The following SCTR variants were observed in gnomAD, a reference collection of about 807,000 sequenced individuals.
SCTR encodes secretin receptor, also known as pancreatic secretin receptor.
Under a neutral mutation model 60.8 loss-of-function variants are expected in SCTR, and 56 were observed. The observed-to-expected ratio is 0.92, with a 90% CI of 0.74 to 1.15. SCTR has a LOEUF of 1.15. Ranked by LOEUF, SCTR falls within the 50% of genes most tolerant of loss-of-function variation. The pLI is 0.00. For missense variants in SCTR, 562 were observed against 550.4 expected (o/e 1.02, Z -0.21); for synonymous variants, 202 against 217.0 (o/e 0.93, Z 0.61).
At chr2:119,469,919 TG>T (rs1676932206) in intron 4 of SCTR, among the ~76,000 whole-genome samples, 1 of 152,256 alleles carries the variant, frequency 6.6e-6, no homozygotes, top group African/African-American at 2.4e-5. Context: ...CTGTACCACC[TG>T]CTTTCTGTAG....
chr2:119,475,649 TATAA>T (rs201651822), intron 3 of SCTR, among the ~76,000 whole-genome samples: 4,579 of 147,420 alleles, frequency 0.031, 221 homozygotes, highest in African/African-American at 0.11. Context: ...ATATATATAA[TATAA>T]ATAGATATTT....
At chr2:119,474,662 G>C (rs891184932) in intron 3 of SCTR, among the ~76,000 whole-genome samples, 5 of 152,242 alleles carry the variant, frequency 3.3e-5, no homozygotes, top group Admixed American at 1.3e-4. Context: ...TGGGCCCCTG[G>C]CTAACAGGGT....
chr2:119,518,513 G>C (rs1679182204), intron 1 of SCTR, among the ~76,000 whole-genome samples: 1 of 152,180 alleles, frequency 6.6e-6, no homozygotes, highest in Non-Finnish European at 1.5e-5. Context: ...TGCGGGACGT[G>C]ATGAACCAGG....
intron 1 of SCTR, among the ~76,000 whole-genome samples, chr2:119,507,107 GAC>G (rs1678764561): frequency 6.6e-6 from 1 of 152,150 alleles, no homozygotes; most frequent in African/African-American, 2.4e-5. Context: ...ACAAAAAAAA[GAC>G]AACTTAATTA....
At chr2:119,467,544 A>G (rs1269165065) in intron 4 of SCTR, among the ~76,000 whole-genome samples, 1 of 152,220 alleles carries the variant, frequency 6.6e-6, no homozygotes, top group Non-Finnish European at 1.5e-5. Flanking sequence ...AACTGGTTCA[A>G]TCTTTCTGGA....
At chr2:119,510,964 G>A (rs931758789) in intron 1 of SCTR, among the ~76,000 whole-genome samples, 3 of 152,076 alleles carry the variant, frequency 2.0e-5, no homozygotes, top group Non-Finnish European at 4.4e-5. Flanking sequence ...TTGGGAGGCT[G>A]AGGCGGGCAG....
intron 1 of SCTR, among the ~76,000 whole-genome samples, chr2:119,497,059 C>T (rs1254691458): frequency 3.3e-5 from 5 of 152,186 alleles, no homozygotes; most frequent in Non-Finnish European, 5.9e-5. Context: ...GACTACTACC[C>T]TAGTTCAGAA....
chr2:119,498,420 T>A (rs1678425023), intron 1 of SCTR, among the ~76,000 whole-genome samples: 1 of 152,144 alleles, frequency 6.6e-6, no homozygotes, highest in Non-Finnish European at 1.5e-5. Flanking sequence ...ACTGTAACAT[T>A]AGCAAGGAAG....
chr2:119,444,300 C>T (rs990248142), intron 11 of SCTR, among the ~76,000 whole-genome samples: 2 of 132,626 alleles, frequency 1.5e-5, no homozygotes, highest in East Asian at 2.2e-4. Flanking sequence ...CACATATATA[C>T]GTATGAATAT....
intron 6 of SCTR, among the ~76,000 whole-genome samples, chr2:119,463,631 G>A (rs918511629): frequency 4.6e-5 from 7 of 152,168 alleles, no homozygotes; most frequent in African/African-American, 1.7e-4. Context: ...GACACACAGG[G>A]TGATTGCAAT....
At chr2:119,496,277 G>A (rs933141273) in intron 1 of SCTR, among the ~76,000 whole-genome samples, 2 of 152,242 alleles carry the variant, frequency 1.3e-5, no homozygotes, top group Non-Finnish European at 2.9e-5. Context: ...AGTGCTGGAG[G>A]TAGTGAGACC....
At chr2:119,498,319 A>T (rs1185424872) in intron 1 of SCTR, among the ~76,000 whole-genome samples, 2 of 152,174 alleles carry the variant, frequency 1.3e-5, no homozygotes, top group Non-Finnish European at 2.9e-5. Context: ...TCAAATAAGA[A>T]AAAGTAAAAG....
chr2:119,501,839 G>C (rs144635238), intron 1 of SCTR, among the ~76,000 whole-genome samples: 159 of 151,856 alleles, frequency 1.0e-3, no homozygotes, highest in Non-Finnish European at 2.0e-3. Flanking sequence ...AAATCCCAAG[G>C]AATCTACCAA....
intron 1 of SCTR, among the ~76,000 whole-genome samples, chr2:119,521,274 G>A (rs1329064992): frequency 6.6e-6 from 1 of 152,196 alleles, no homozygotes; most frequent in Non-Finnish European, 1.5e-5. Flanking sequence ...AGCAAGTAAG[G>A]AGTGCTTTCA....
Position 119,463,161 on chromosome 2 carries a change from C to T in SCTR, c.636+962G>A, listed in dbSNP as rs574910477. Among the ~76,000 whole-genome samples the T allele has an allele frequency of 4.6e-4, 70 of 152,150 alleles. 2 individuals carry two copies. The South Asian group carries it at 0.013, about 29-fold the overall frequency. On this transcript the variant is annotated intron_variant, in intron 6 of 12. Coordinates refer to ENST00000019103, the MANE Select transcript of SCTR (RefSeq NM_002980.3). ...GGCTGAACTAATCTCAATTTCCAAT[C>T]TCTTTTCTCCCTTGCTCGCCTCTAC...
intron 3 of SCTR, among the ~76,000 whole-genome samples, chr2:119,475,939 T>A (rs1677275917): frequency 6.6e-6 from 1 of 151,894 alleles, no homozygotes; most frequent in Non-Finnish European, 1.5e-5. Flanking sequence ...AAGACCAGCG[T>A]CCTTTTCAGA....
Position 119,497,552 on chromosome 2 carries a change from C to T in SCTR, c.73-3004G>A, listed in dbSNP as rs188959528. 3.2e-3 allele frequency among the ~76,000 whole-genome samples: 483 copies of T among 151,388 alleles called. 3 individuals are homozygous for T. The highest frequency in any genetic ancestry group is 0.011 in the African/African-American group (452 of 41,228). The stretch of plus-strand genomic sequence containing the variant: ...AAGATTTTAAAGCATTATGAACATG[C>T]TAGAAACAAATGTAGAAATACAAAC... On this transcript the variant is annotated intron_variant, in intron 1 of 12. Transcript: ENST00000019103.
chr2:119,473,840 C>T (rs1220270841), intron 3 of SCTR, among the ~76,000 whole-genome samples: 9 of 152,194 alleles, frequency 5.9e-5, no homozygotes, highest in Admixed American at 2.0e-4. Flanking sequence ...GCCCTGCCAC[C>T]GTTTAACAGG....
At chr2:119,505,566 T>C (rs978888553) in intron 1 of SCTR, among the ~76,000 whole-genome samples, 7 of 152,030 alleles carry the variant, frequency 4.6e-5, no homozygotes, top group Non-Finnish European at 7.4e-5. Context: ...GGGACATGGA[T>C]GAAGCTGGAA....
Sources: gnomAD v4.1 joint callset for allele counts (sites outside exome capture counted in the v4.1 genomes callset) on GRCh38, gnomAD v4.1.1 for gene constraint, MANE v1.5 for transcripts, NCBI Gene and HGNC (gene_info 2026-07-23, HGNC 2026-07-21) for gene names.